The following ZBTB7A variants were observed in gnomAD, a reference collection of about 807,000 sequenced individuals.
The protein encoded by ZBTB7A is zinc finger and BTB domain containing 7A.
Under a neutral mutation model 26.7 loss-of-function variants are expected in ZBTB7A, and 7 were observed. The observed-to-expected ratio is 0.26, with a 90% CI of 0.15 to 0.49. The LOEUF is 0.49. ZBTB7A is among the 20% of genes least tolerant of loss of function. The pLI is 0.98. For synonymous variants in ZBTB7A, 452 were observed against 441.0 expected (o/e 1.02, Z -0.31); for missense variants, 617 against 919.5 (o/e 0.67, Z 4.25).
At chr19:4,058,339 C>T (rs2040603881) in intron 1 of ZBTB7A, among the ~76,000 whole-genome samples, 1 of 152,260 alleles carries the variant, frequency 6.6e-6, no homozygotes, top group African/African-American at 2.4e-5. Flanking sequence ...AAGGCCTTGG[C>T]CCTCTCTGGG....
intron 1 of ZBTB7A, chr19:4,062,887 T>G (rs1242711370): frequency 6.6e-6 from 1 of 152,374 alleles, no homozygotes; most frequent in Non-Finnish European, 1.5e-5. Context: ...GAGACAACAC[T>G]CTAGGGCTGA....
chr19:4,061,381 C>T (rs2040636167), intron 1 of ZBTB7A, among the ~76,000 whole-genome samples: 1 of 152,202 alleles, frequency 6.6e-6, no homozygotes, highest in Non-Finnish European at 1.5e-5. Flanking sequence ...CGCCCCCTCC[C>T]CGCCCAGCGG....
chr19:4,064,990 G>C (rs2040677087), intron 1 of ZBTB7A, among the ~76,000 whole-genome samples: 1 of 151,812 alleles, frequency 6.6e-6, no homozygotes, highest in African/African-American at 2.4e-5. Flanking sequence ...CCGGTCCCTG[G>C]GGGGGCACCC....
chr19:4,048,297 C>T lies in ZBTB7A; in HGVS notation c.1263-53G>A. The T allele has an allele frequency of 6.6e-7, 1 of 1,508,370 alleles. No individual in the cohort carries two copies. The highest frequency in any genetic ancestry group is 8.8e-7 in the Non-Finnish European group (1 of 1,138,152). 93.4% of individuals were successfully genotyped at this position (1,508,370 alleles called of 1,614,324 possible). ...GTCAGTGGGGCCGGGGACCCCCGAT[C>T]CCCGCCCAGGGACCCTCACGGACAC... is the stretch of plus-strand genomic sequence containing the variant. On this transcript the variant is annotated intron_variant, in intron 2 of 2. Transcript: ENST00000322357. This position sits in a 1 kb window ranked among gnomAD's most constrained non-coding sequence, Gnocchi z 6.7.
intron 1 of ZBTB7A, chr19:4,065,727 C>G (rs2040688748): frequency 8.3e-6 from 1 of 121,184 alleles, no homozygotes; most frequent in African/African-American, 3.9e-5. Context: ...CCGGGGAGCG[C>G]GGGGAGGGTG....
rs1173029836 is a variant in ZBTB7A at position 4,044,481 on chromosome 19, C to T, written c.*3271G>A. 1 of 150,794 alleles carries T rather than the reference C, an allele frequency of 6.6e-6. No homozygotes were observed. The highest frequency in any genetic ancestry group is 1.5e-5 in the Non-Finnish European group (1 of 67,670). 9.3% of individuals were successfully genotyped at this position (150,794 alleles called of 1,614,324 possible). A position where few individuals can be genotyped will look rare whatever the true frequency, so the allele number is the denominator to read the frequency against. On this transcript the variant is annotated 3_prime_UTR_variant, in exon 3 of 3. Coordinates refer to ENST00000322357, the MANE Select transcript of ZBTB7A (RefSeq NM_015898.4). The stretch of plus-strand genomic sequence containing the variant: ...TAGCAAAGATGCTTCTCTCTCTCTC[C>T]TGGGCCCGGCAGGCTGGGGGGCACT...
chr19:4,060,847 G>A lies in ZBTB7A; in HGVS notation c.-15-5600C>T, dbSNP rs146132731. Among the ~76,000 whole-genome samples the A allele has an allele frequency of 1.4e-4, 21 of 152,338 alleles. No homozygotes were observed. In the East Asian group the frequency reaches 3.7e-3, roughly 27 times the overall value. On this transcript the variant is annotated intron_variant, in intron 1 of 2. Transcript: ENST00000322357. ...AGGTCACTTCCTGGAGCAGGGGGCCGTCTAATGAGGGGATCAGGGCCCCCA... is the reference window on the plus strand; with the variant it reads ...AGGTCACTTCCTGGAGCAGGGGGCCATCTAATGAGGGGATCAGGGCCCCCA...
At chr19:4,049,783 G>A (rs553472918) in intron 2 of ZBTB7A, among the ~76,000 whole-genome samples, 164 of 152,276 alleles carry the variant, frequency 1.1e-3, no homozygotes, top group Non-Finnish European at 1.6e-3. Flanking sequence ...CACAAGCTAC[G>A]CTGGGGCCTT....
rs918761564 is a variant in ZBTB7A at position 4,047,764 on chromosome 19, G to A, written c.1743C>T (p.Ala581=). ...CTCTTTTTGGTTTTTAGGCGAGTCC[G>A]GCTGTGAAGTTACCGTCGGTGGCGG... The part of the protein sequence containing the change: ...PGAATDGNFT[A]GLA Residue 581 remains alanine, a synonymous_variant, in exon 3 of 3, where the codon GCC becomes GCT. Coordinates refer to ENST00000322357, the MANE Select transcript of ZBTB7A (RefSeq NM_015898.4). The A allele has an allele frequency of 1.9e-6, 3 of 1,598,686 alleles. No homozygotes were observed. The highest frequency in any genetic ancestry group is 1.4e-5 in the African/African-American group (1 of 73,716).
rs1270755322 is a variant in ZBTB7A, at chr19:4,052,865, C to T, written c.1262+1106G>A. Among the ~76,000 whole-genome samples, 22 of 152,222 alleles carry T rather than the reference C, an allele frequency of 1.4e-4. No individual in the cohort carries two copies. The highest frequency in any genetic ancestry group is 1.4e-3 in the Admixed American group (22 of 15,286). ...AGCTGAGCTGGCCTCAGGGCCTCTG[C>T]ACTGGCTGTTCCCTCTGCCTGGAAC... On this transcript the variant is annotated intron_variant, in intron 2 of 2. Transcript: ENST00000322357. The surrounding 1 kb of genome is among the most constrained non-coding windows in gnomAD (Gnocchi z 4.9).
At chr19:4,061,618 ATTT>A (rs1034310052) in intron 1 of ZBTB7A, 6 of 152,050 alleles carry the variant, frequency 3.9e-5, no homozygotes, top group African/African-American at 1.4e-4. Context: ...GCCCTCGGCC[ATTT>A]TACGTGTCCA....
In ZBTB7A at chr19:4,047,593, G is replaced by C. The variant is rs763052383; in HGVS notation, c.*159C>G. On this transcript the variant is annotated 3_prime_UTR_variant, in exon 3 of 3. Transcript: ENST00000322357. The stretch of plus-strand genomic sequence containing the variant: ...GAGAAAGCGCTACCCTAGATTCTGT[G>C]ACGCGTCATATATATATATCTGTAT... 9 of 585,576 alleles carry C rather than the reference G, an allele frequency of 1.5e-5. No homozygotes were observed. The highest frequency in any genetic ancestry group is 2.2e-5 in the Non-Finnish European group (9 of 406,238). 36.3% of individuals were successfully genotyped at this position (585,576 alleles called of 1,614,324 possible).
chr19:4,063,245 A>G (rs2040657983), intron 1 of ZBTB7A, among the ~76,000 whole-genome samples: 1 of 152,162 alleles, frequency 6.6e-6, no homozygotes, highest in Non-Finnish European at 1.5e-5. Context: ...CCACAGCCCC[A>G]GGAACACAGC....
Position 4,043,327 on chromosome 19 carries a change from GTTC to G in ZBTB7A, c.*4422_*4424del, listed in dbSNP as rs762705113. Among the ~76,000 whole-genome samples, 608 of 150,432 alleles carry G rather than the reference GTTC, an allele frequency of 4.0e-3. 1 individual carries two copies. Among genetic ancestry groups the G allele is most frequent in the Non-Finnish European group, 7.0e-3 (471 of 67,494 alleles). Reference sequence around the variant, plus strand: ...CGGTCGTAACAGGCTGCGTTTAGTGGTTCTTTTTTTTTTTTTATGTACAAGAAA... The same window carrying G: ...CGGTCGTAACAGGCTGCGTTTAGTGGTTTTTTTTTTTTTATGTACAAGAAA... On this transcript the variant is annotated 3_prime_UTR_variant, in exon 3 of 3. Coordinates refer to ENST00000322357, the MANE Select transcript of ZBTB7A (RefSeq NM_015898.4).
intron 1 of ZBTB7A, among the ~76,000 whole-genome samples, chr19:4,057,434 C>T (rs1384849826): frequency 6.6e-6 from 1 of 152,218 alleles, no homozygotes; most frequent in East Asian, 1.9e-4. Flanking sequence ...AGCCATTTTC[C>T]TGTTGATCTG....
At chr19:4,059,579 A>T (rs891987745) in intron 1 of ZBTB7A, among the ~76,000 whole-genome samples, 4 of 152,140 alleles carry the variant, frequency 2.6e-5, no homozygotes, top group African/African-American at 9.7e-5. Flanking sequence ...TCCTGGCCTA[A>T]GGATGCCCGG....
chr19:4,059,895 C>A (rs979397180), intron 1 of ZBTB7A, among the ~76,000 whole-genome samples: 2 of 152,166 alleles, frequency 1.3e-5, no homozygotes, highest in Non-Finnish European at 2.9e-5. Context: ...AATAAAAAGT[C>A]CCCGAGTGCT....
chr19:4,049,445 G>A (rs2040473529), intron 2 of ZBTB7A, among the ~76,000 whole-genome samples: 1 of 151,426 alleles, frequency 6.6e-6, no homozygotes, highest in South Asian at 2.1e-4. Flanking sequence ...CTTCATTCAT[G>A]CCACAGACCT....
intron 1 of ZBTB7A, among the ~76,000 whole-genome samples, 164 bp downstream of exon 1, chr19:4,066,518 T>A (rs1473014530): frequency 6.6e-6 from 1 of 151,142 alleles, no homozygotes; most frequent in Non-Finnish European, 1.5e-5. Flanking sequence ...CCAGGGCGCC[T>A]CCAGCCTCCG....
Sources: gnomAD v4.1 joint callset for allele counts (sites outside exome capture counted in the v4.1 genomes callset) on GRCh38, gnomAD v4.1.1 for gene constraint, Gnocchi (gnomAD v3.1) non-coding constraint, MANE v1.5 for transcripts, NCBI Gene and HGNC (gene_info 2026-07-23, HGNC 2026-07-21) for gene names.